EEFSEC: variants seen among roughly 807,000 people sequenced by gnomAD.
The protein encoded by EEFSEC is selenocysteine-specific elongation factor.
In EEFSEC, 43 loss-of-function variants were observed where a neutral mutation model predicts 42.1. The ratio of observed to expected loss-of-function variants is 1.02; its 90% CI spans 0.80 to 1.32. EEFSEC has a LOEUF of 1.32. EEFSEC is among the 40% of genes most tolerant of loss of function. The pLI, the probability that EEFSEC is intolerant of heterozygous loss-of-function variation, is 0.00. For synonymous variants in EEFSEC, 354 were observed against 339.1 expected, an observed-to-expected ratio of 1.04 and a Z score of -0.48; for missense variants, 745 against 803.6, an observed-to-expected ratio of 0.93 and a Z score of 0.88.
At chr3:128,280,047 A>G (rs947410861) in intron 4 of EEFSEC, among the ~76,000 whole-genome samples, 2 of 152,252 alleles carry the variant, frequency 1.3e-5, no homozygotes, top group African/African-American at 4.8e-5. Context: ...GACTTTTGTC[A>G]GTCATGTTCC....
intron 4 of EEFSEC, among the ~76,000 whole-genome samples, chr3:128,268,758 G>A (rs1238194491): frequency 6.6e-6 from 1 of 152,262 alleles, no homozygotes; most frequent in East Asian, 1.9e-4. Context: ...GCCCCCAGAA[G>A]CCAGGAGAGA....
chr3:128,382,463 G>A (rs139719697), intron 6 of EEFSEC, among the ~76,000 whole-genome samples: 2 of 152,338 alleles, frequency 1.3e-5, no homozygotes, highest in African/African-American at 2.4e-5. Context: ...ATGTGTGTGC[G>A]TGCTCACGCT....
intron 5 of EEFSEC, among the ~76,000 whole-genome samples, chr3:128,343,457 G>A (rs999594680): frequency 6.6e-6 from 1 of 151,928 alleles, no homozygotes; most frequent in Non-Finnish European, 1.5e-5. Context: ...CCTTAGCTCC[G>A]GGGGGGCCGC....
chr3:128,409,266 A>G (rs1446519971), downstream of EEFSEC, among the ~76,000 whole-genome samples: 2 of 152,194 alleles, frequency 1.3e-5, no homozygotes, highest in Admixed American at 1.3e-4. Context: ...TTATCCCAGT[A>G]ATCGGTGCAT....
chr3:128,281,994 C>T (rs1362821450), intron 4 of EEFSEC, among the ~76,000 whole-genome samples: 1 of 152,196 alleles, frequency 6.6e-6, no homozygotes, highest in Non-Finnish European at 1.5e-5. Flanking sequence ...TGAGGCTGTC[C>T]AGCCTGCCTT....
intron 1 of EEFSEC, among the ~76,000 whole-genome samples, chr3:128,166,697 C>A (rs927590615): frequency 6.6e-6 from 1 of 151,976 alleles, no homozygotes; most frequent in African/African-American, 2.4e-5. Context: ...TGAAGGACAC[C>A]TCCACTCTCC....
At chr3:128,331,303 TTCTTCCCCCCTTCCTCAATGCATCTCCCC>T (rs2067129737) in intron 4 of EEFSEC, among the ~76,000 whole-genome samples, 2 of 9,486 alleles carry the variant, frequency 2.1e-4, no homozygotes, top group Non-Finnish European at 1.8e-4. Context: ...TGCATCTCCC[TTCTTCCCCCCTTCCTCAATGCATCTCCCC>T]TCTTCCCCCC....
intron 6 of EEFSEC, among the ~76,000 whole-genome samples, chr3:128,383,596 G>A (rs2067802480): frequency 6.6e-6 from 1 of 152,246 alleles, no homozygotes. Context: ...CTGAGCTCCT[G>A]GCTGTGTGTT....
intron 4 of EEFSEC, among the ~76,000 whole-genome samples, chr3:128,271,029 A>G (rs545492779): frequency 1.1e-4 from 16 of 152,372 alleles, no homozygotes; most frequent in Non-Finnish European, 1.5e-4. Flanking sequence ...GAAAAAGCCA[A>G]TAAAGGAAAT....
intron 4 of EEFSEC, among the ~76,000 whole-genome samples, chr3:128,310,281 C>T (rs1201965469): frequency 6.6e-6 from 1 of 152,300 alleles, no homozygotes; most frequent in East Asian, 1.9e-4. Flanking sequence ...ACAGGATTTC[C>T]TTTTTCTCTC....
intron 4 of EEFSEC, among the ~76,000 whole-genome samples, chr3:128,330,544 G>C (rs2067115596): frequency 6.6e-6 from 1 of 152,130 alleles, no homozygotes; most frequent in Non-Finnish European, 1.5e-5. Context: ...GAGCTGGTCG[G>C]GGGACCCCTG....
intron 1 of EEFSEC, among the ~76,000 whole-genome samples, chr3:128,244,691 C>T (rs940774623): frequency 2.0e-5 from 3 of 152,172 alleles, no homozygotes; most frequent in Admixed American, 6.5e-5. Context: ...ACAACCAAGT[C>T]ATTAGTTTCT....
At chr3:128,201,811 T>G (rs2065646607) in intron 1 of EEFSEC, among the ~76,000 whole-genome samples, 1 of 152,360 alleles carries the variant, frequency 6.6e-6, no homozygotes, top group African/African-American at 2.4e-5. Flanking sequence ...CTCAGTTTCC[T>G]TCTAAAAAGC....
chr3:128,302,057 A>G (rs1406790853), intron 4 of EEFSEC, among the ~76,000 whole-genome samples: 1 of 152,184 alleles, frequency 6.6e-6, no homozygotes, highest in Non-Finnish European at 1.5e-5. Context: ...ACCATCTGTC[A>G]AAGCTCATTT....
rs1553745908 is a variant in EEFSEC at position 128,241,186 on chromosome 3, C to CCT, written c.317-5635_317-5634dup. The stretch of plus-strand genomic sequence containing the variant: ...TTACTTCACCTCTCTAAGCCTTTGT[C>CCT]CTCTCTCTCTCTCTCTTTTTTTTTT... On this transcript the variant is annotated intron_variant, in intron 1 of 6. Coordinates refer to ENST00000254730, the MANE Select transcript of EEFSEC (RefSeq NM_021937.5). 8.6e-3 allele frequency among the ~76,000 whole-genome samples: 1,199 copies of CCT among 139,542 alleles called. 80 individuals are homozygous for CCT. Among genetic ancestry groups the CCT allele is most frequent in the Admixed American group, 0.057 (695 of 12,138 alleles). The allele number at this position is 139,542 out of a possible 152,430, so 91.5% of individuals were successfully genotyped here.
At chr3:128,358,898 C>T (rs1300614812) in intron 6 of EEFSEC, among the ~76,000 whole-genome samples, 1 of 152,072 alleles carries the variant, frequency 6.6e-6, no homozygotes, top group Non-Finnish European at 1.5e-5. Flanking sequence ...GCTGGAGAGC[C>T]CTTGGATTTT....
intron 4 of EEFSEC, among the ~76,000 whole-genome samples, chr3:128,305,604 T>C (rs1452825130): frequency 6.6e-6 from 1 of 152,168 alleles, no homozygotes; most frequent in East Asian, 1.9e-4. Context: ...TCCTAGAAAA[T>C]TATCTATTAA....
chr3:128,213,419 G>A (rs1456301847), intron 1 of EEFSEC, among the ~76,000 whole-genome samples: 1 of 152,202 alleles, frequency 6.6e-6, no homozygotes, highest in Non-Finnish European at 1.5e-5. Context: ...CTATGAGCCT[G>A]TTTTCTTGTC....
chr3:128,309,270 C>T (rs1422279630), intron 4 of EEFSEC, among the ~76,000 whole-genome samples: 1 of 152,092 alleles, frequency 6.6e-6, no homozygotes, highest in African/African-American at 2.4e-5. Flanking sequence ...CTGGTGGAGA[C>T]TGAGCAGGTG....
Sources: gnomAD v4.1 joint callset for allele counts (sites outside exome capture counted in the v4.1 genomes callset) on GRCh38, gnomAD v4.1.1 for gene constraint, MANE v1.5 for transcripts, NCBI Gene and HGNC (gene_info 2026-07-23, HGNC 2026-07-21) for gene names.